The following DPP6 variants were observed in gnomAD, a reference collection of about 807,000 sequenced individuals.
DPP6 encodes the protein dipeptidyl peptidase like 6, also known as A-type potassium channel modulatory protein DPP6.
In DPP6, 69 loss-of-function variants were observed where a neutral mutation model predicts 122.6. The ratio of observed to expected loss-of-function variants is 0.56; its 90% CI spans 0.46 to 0.69. DPP6 has a LOEUF of 0.69. DPP6 is among the 30% of genes least tolerant of loss of function. The probability of loss-of-function intolerance (pLI) is 0.00; values close to 1 mark genes in which losing one functional copy is unlikely to be tolerated. For missense variants in DPP6, 928 were observed against 1,116.9 expected (o/e 0.83, Z 2.41); for synonymous variants, 418 against 433.1 (o/e 0.97, Z 0.43).
At chr7:154,260,234 G>A (rs887327631) in intron 1 of DPP6, among the ~76,000 whole-genome samples, 6 of 152,252 alleles carry the variant, frequency 3.9e-5, no homozygotes, top group African/African-American at 7.2e-5. Context: ...CCTCAGTTCC[G>A]TGGAAAGCTG....
chr7:154,414,630 G>A (rs191244710), intron 1 of DPP6, among the ~76,000 whole-genome samples: 2 of 152,228 alleles, frequency 1.3e-5, no homozygotes, highest in Admixed American at 1.3e-4. Context: ...TTTATCTGTG[G>A]TTACAAAACA....
At chr7:154,093,707 A>T (rs921202282) in intron 1 of DPP6, 6 of 151,808 alleles carry the variant, frequency 4.0e-5, no homozygotes, top group Admixed American at 3.9e-4. Context: ...GAGCCACTAC[A>T]TCTCCCTACC....
chr7:154,295,166 A>G (rs754990697), intron 1 of DPP6, among the ~76,000 whole-genome samples: 4 of 152,190 alleles, frequency 2.6e-5, no homozygotes, highest in Non-Finnish European at 5.9e-5. Context: ...ATTTTAAAAC[A>G]TGATTTTCAA....
At chr7:154,588,874 T>C (rs1211426258) in intron 5 of DPP6, among the ~76,000 whole-genome samples, 1 of 152,200 alleles carries the variant, frequency 6.6e-6, no homozygotes. Context: ...AGACTATTCT[T>C]TCAAGGCCAT....
chr7:154,724,988 C>T (rs1841996657), intron 7 of DPP6, among the ~76,000 whole-genome samples: 1 of 152,112 alleles, frequency 6.6e-6, no homozygotes, highest in African/African-American at 2.4e-5. Flanking sequence ...AAAGACCTTG[C>T]CTGCCCTTTG....
rs375024985 is a variant in DPP6, at chr7:154,159,728, C to G, written c.243+106665C>G. Reference sequence around the variant, plus strand: ...GGCATAAAGAATGAGCAAAGCGCTACAAATACAGGGTCCTTCTATACAGGT... The same window carrying G: ...GGCATAAAGAATGAGCAAAGCGCTAGAAATACAGGGTCCTTCTATACAGGT... On this transcript the variant is annotated intron_variant, in intron 1 of 25. Coordinates refer to ENST00000377770, the MANE Select transcript of DPP6 (RefSeq NM_130797.4). Among the ~76,000 whole-genome samples the G allele has an allele frequency of 1.6e-4, 24 of 152,422 alleles. No individual in the cohort carries two copies. The South Asian group carries it at 5.0e-3, about 32-fold the overall frequency.
rs546082420 is a variant in DPP6, at chr7:154,836,284, C to T, written c.1667-17496C>T. Among the ~76,000 whole-genome samples the T allele has an allele frequency of 7.2e-5, 11 of 152,350 alleles. No individual in the cohort carries two copies. In the South Asian group the frequency reaches 1.7e-3, roughly 23 times the overall value. ...CTGGGGGAAATATGCATTTGGTCGA[C>T]GTGTTTTCTTCTCTCTCTTCTGCCA... On this transcript the variant is annotated intron_variant, in intron 16 of 25. Transcript: ENST00000377770.
chr7:154,512,741 A>C (rs531611966), intron 3 of DPP6, among the ~76,000 whole-genome samples: 2 of 152,352 alleles, frequency 1.3e-5, no homozygotes, highest in African/African-American at 4.8e-5. Flanking sequence ...CTTACTGAGA[A>C]GGATGACTTC....
chr7:154,379,433 A>C (rs1586106452), intron 1 of DPP6, among the ~76,000 whole-genome samples: 1 of 152,216 alleles, frequency 6.6e-6, no homozygotes, highest in African/African-American at 2.4e-5. Flanking sequence ...GGTGCAGCAA[A>C]CCAACATGGC....
intron 1 of DPP6, among the ~76,000 whole-genome samples, chr7:154,185,954 A>T (rs971290380): frequency 6.6e-6 from 1 of 152,244 alleles, no homozygotes; most frequent in African/African-American, 2.4e-5. Flanking sequence ...AGAAGATATT[A>T]AAAACATTGA....
At chr7:153,872,807 T>C in the DPP6 span, among the ~76,000 whole-genome samples, 5 of 152,208 alleles carry the variant, frequency 3.3e-5, no homozygotes, top group Admixed American at 2.6e-4. Flanking sequence ...GTACTGTCTC[T>C]CTATTTGTAA....
At chr7:154,017,415 G>A (rs1477710549) in intron 1 of DPP6, among the ~76,000 whole-genome samples, 1 of 152,090 alleles carries the variant, frequency 6.6e-6, no homozygotes, top group Non-Finnish European at 1.5e-5. Flanking sequence ...AATATCTAGA[G>A]GAGGCTGGGC....
intron 1 of DPP6, among the ~76,000 whole-genome samples, chr7:154,445,778 A>T (rs1253546957): frequency 3.1e-4 from 1 of 3,188 alleles, no homozygotes; most frequent in African/African-American, 6.9e-4. Flanking sequence ...ACATGGATGT[A>T]AAAAAAAAAA....
chr7:154,444,059 A>G (rs1449504376), intron 1 of DPP6, among the ~76,000 whole-genome samples: 1 of 152,212 alleles, frequency 6.6e-6, no homozygotes, highest in African/African-American at 2.4e-5. Context: ...AGATGTTCAA[A>G]GAAGCACATA....
chr7:154,063,223 C>T (rs557754206), intron 1 of DPP6, among the ~76,000 whole-genome samples: 13 of 118,714 alleles, frequency 1.1e-4, no homozygotes, highest in Non-Finnish European at 2.1e-4. Context: ...CCCCGCGAGG[C>T]AGGGACTGAG....
intron 1 of DPP6, among the ~76,000 whole-genome samples, chr7:154,031,363 C>CA (rs1025373751): frequency 2.5e-4 from 38 of 150,082 alleles, no homozygotes; most frequent in African/African-American, 9.5e-4. Flanking sequence ...CGTGGGGTCC[C>CA]AGGGGCCTGT....
At chr7:154,478,680 C>G (rs1822968772) in intron 3 of DPP6, among the ~76,000 whole-genome samples, 1 of 152,118 alleles carries the variant, frequency 6.6e-6, no homozygotes, top group African/African-American at 2.4e-5. Flanking sequence ...TAGCAAAATT[C>G]TGATTTGAAC....
At chr7:153,880,659 G>A in the DPP6 span, among the ~76,000 whole-genome samples, 1 of 152,194 alleles carries the variant, frequency 6.6e-6, no homozygotes, top group Non-Finnish European at 1.5e-5. Context: ...AATTCGGTCT[G>A]TAGCCTAACA....
intron 8 of DPP6, among the ~76,000 whole-genome samples, chr7:154,729,288 T>G (rs1025450302): frequency 7.2e-5 from 11 of 152,088 alleles, no homozygotes; most frequent in Non-Finnish European, 1.5e-4. Flanking sequence ...TCAGGGAGAT[T>G]CTGGGTGCTT....
Sources: allele counts gnomAD v4.1 joint callset (sites outside exome capture counted in the v4.1 genomes callset), GRCh38; gene constraint gnomAD v4.1.1; transcripts MANE v1.5; gene names NCBI Gene and HGNC (gene_info 2026-07-23, HGNC 2026-07-21).